YAP1: variants seen among roughly 807,000 people sequenced by gnomAD.
The protein encoded by YAP1 is transcriptional coactivator YAP1.
A neutral mutation model predicts 56.9 loss-of-function variants in YAP1; 5 were observed. The observed-to-expected ratio is 0.09, with a 90% CI of 0.05 to 0.18. The LOEUF (loss-of-function observed/expected upper bound fraction) is 0.18, where lower values mean the gene tolerates loss of function less well. Among genes scored for constraint, YAP1 ranks in the 10% least tolerant of loss-of-function variants. The pLI is 1.00. For missense variants in YAP1, 539 were observed against 651.8 expected, an observed-to-expected ratio of 0.83 and a Z score of 1.88; for synonymous variants, 265 against 248.1, an observed-to-expected ratio of 1.07 and a Z score of -0.64.
chr11:102,176,579 T>A (rs1165205628), intron 3 of YAP1, among the ~76,000 whole-genome samples: 2 of 151,398 alleles, frequency 1.3e-5, no homozygotes, highest in Non-Finnish European at 2.9e-5. Context: ...ACCTCATCTC[T>A]ACTAAAAATA....
intron 3 of YAP1, among the ~76,000 whole-genome samples, chr11:102,165,113 C>T (rs1436467424): frequency 1.3e-5 from 2 of 151,794 alleles, no homozygotes; most frequent in Non-Finnish European, 2.9e-5. Flanking sequence ...AATTTCAGCA[C>T]TTTGGGAGAC....
At chr11:102,166,984 ACT>A (rs1253199815) in intron 3 of YAP1, among the ~76,000 whole-genome samples, 3 of 151,750 alleles carry the variant, frequency 2.0e-5, no homozygotes, top group Non-Finnish European at 4.4e-5. Context: ...ATTTTATGAA[ACT>A]CTATTTTGTT....
At chr11:102,204,851 G>T (rs1949042079) in intron 4 of YAP1, among the ~76,000 whole-genome samples, 1 of 152,180 alleles carries the variant, frequency 6.6e-6, no homozygotes, top group Non-Finnish European at 1.5e-5. Context: ...TGCTCTGGAA[G>T]AGGCTGTGTA....
At chr11:102,224,246 T>C (rs1170163506) in intron 7 of YAP1, among the ~76,000 whole-genome samples, 1 of 152,204 alleles carries the variant, frequency 6.6e-6, no homozygotes, top group Non-Finnish European at 1.5e-5. Flanking sequence ...CTTTCAAAAA[T>C]GCACTAAGAT....
rs146076884 is a variant in YAP1, at chr11:102,182,055, C to G, written c.689-3963C>G. 3.8e-4 allele frequency among the ~76,000 whole-genome samples: 58 copies of G among 152,184 alleles called. 3 individuals are homozygous for G. The East Asian group carries it at 0.011, about 29-fold the overall frequency. The stretch of plus-strand genomic sequence containing the variant: ...CAGGCTGGCCTCAAACTCCTGACCT[C>G]GTGATCCCCTGCCTCAGCCTCCCAA... On this transcript the variant is annotated intron_variant, in intron 3 of 8. Transcript: ENST00000282441.
chr11:102,179,796 T>G (rs890213146), intron 3 of YAP1, among the ~76,000 whole-genome samples: 9 of 152,190 alleles, frequency 5.9e-5, no homozygotes, highest in African/African-American at 2.2e-4. Flanking sequence ...CTATGTTGTT[T>G]ATTGCTCCAT....
intron 3 of YAP1, among the ~76,000 whole-genome samples, chr11:102,177,080 G>A (rs1417007509): frequency 1.3e-5 from 2 of 152,112 alleles, no homozygotes; most frequent in Admixed American, 6.5e-5. Context: ...AAGGTAGAGA[G>A]AAGAGTTCCT....
chr11:102,232,371 C>T lies in YAP1; in HGVS notation c.*2431C>T, dbSNP rs1246813074. 1 of 152,022 alleles carries T rather than the reference C, an allele frequency of 6.6e-6. No homozygotes were observed. 9.4% of individuals were successfully genotyped at this position (152,022 alleles called of 1,614,324 possible). On this transcript the variant is annotated 3_prime_UTR_variant, in exon 9 of 9. Transcript: ENST00000282441. ...AAAGACTTGTCTTACACCGTGCTGC[C>T]ATTAAAGGCAGCTGTTCTAGAGTTT...
chr11:102,187,350 T>A (rs192832863), intron 4 of YAP1, among the ~76,000 whole-genome samples: 149 of 113,866 alleles, frequency 1.3e-3, no homozygotes, highest in Non-Finnish European at 1.8e-3. Flanking sequence ...CTTTTAAGCT[T>A]CAAGACCTGT....
intron 2 of YAP1, among the ~76,000 whole-genome samples, chr11:102,149,697 T>A (rs962476204): frequency 3.9e-5 from 6 of 152,168 alleles, no homozygotes; most frequent in Admixed American, 6.5e-5. Flanking sequence ...TAGGAAGGAT[T>A]TGTTTGGGAA....
At chr11:102,147,897 G>T (rs949355413) in intron 2 of YAP1, among the ~76,000 whole-genome samples, 1 of 152,064 alleles carries the variant, frequency 6.6e-6, no homozygotes, top group African/African-American at 2.4e-5. Flanking sequence ...TTAAAAACTG[G>T]CATATTAGAG....
At chr11:102,142,678 T>G (rs894188381) in intron 2 of YAP1, among the ~76,000 whole-genome samples, 1 of 152,248 alleles carries the variant, frequency 6.6e-6, no homozygotes, top group Admixed American at 6.5e-5. Context: ...TGTGTCACTT[T>G]CCATAGCTTT....
chr11:102,133,659 C>T (rs1944504740), intron 2 of YAP1, among the ~76,000 whole-genome samples: 1 of 152,116 alleles, frequency 6.6e-6, no homozygotes, highest in Non-Finnish European at 1.5e-5. Flanking sequence ...GAGTTTCACA[C>T]AAATGCTTAT....
chr11:102,219,064 T>G (rs1949794241), intron 6 of YAP1, among the ~76,000 whole-genome samples: 1 of 152,196 alleles, frequency 6.6e-6, no homozygotes, highest in African/African-American at 2.4e-5. Flanking sequence ...AGTTTAGTGT[T>G]ATATATTTGT....
At chr11:102,132,912 G>A (rs1010997270) in intron 2 of YAP1, among the ~76,000 whole-genome samples, 4 of 151,954 alleles carry the variant, frequency 2.6e-5, no homozygotes, top group East Asian at 3.9e-4. Context: ...TAATCCCAGC[G>A]CTTTGGGAGG....
At chr11:102,177,661 G>A (rs981397539) in intron 3 of YAP1, among the ~76,000 whole-genome samples, 3 of 143,574 alleles carry the variant, frequency 2.1e-5, no homozygotes, top group African/African-American at 8.0e-5. Context: ...TGGCGACAGA[G>A]TGAGACTCGG....
chr11:102,216,203 CGTGA>C (rs1292798425), intron 6 of YAP1, among the ~76,000 whole-genome samples: 7 of 152,068 alleles, frequency 4.6e-5, no homozygotes, highest in African/African-American at 1.7e-4. Context: ...GTGTTTCCAT[CGTGA>C]GTAAGTTTTA....
chr11:102,159,133 G>A (rs1946122411), intron 2 of YAP1, among the ~76,000 whole-genome samples: 1 of 152,080 alleles, frequency 6.6e-6, no homozygotes, highest in African/African-American at 2.4e-5. Context: ...AGCCAATATA[G>A]TCTACACTTG....
chr11:102,118,808 C>T (rs933638415), intron 2 of YAP1, among the ~76,000 whole-genome samples: 1 of 151,476 alleles, frequency 6.6e-6, no homozygotes, highest in African/African-American at 2.4e-5. Context: ...TACAGTGTAC[C>T]TGGTATTTAT....
Sources: gnomAD v4.1 joint callset for allele counts (sites outside exome capture counted in the v4.1 genomes callset) on GRCh38, gnomAD v4.1.1 for gene constraint, MANE v1.5 for transcripts, NCBI Gene and HGNC (gene_info 2026-07-23, HGNC 2026-07-21) for gene names.